MYO16: variants seen among roughly 807,000 people sequenced by gnomAD.
MYO16 encodes myosin XVI.
A neutral mutation model predicts 205.3 loss-of-function variants in MYO16; 94 were observed. That is an observed-to-expected ratio of 0.46 (90% CI 0.39 to 0.54). The LOEUF (loss-of-function observed/expected upper bound fraction) is 0.54, where lower values mean the gene tolerates loss of function less well. MYO16 is among the 20% of genes least tolerant of loss of function. MYO16 has a pLI of 0.00. For synonymous variants in MYO16, 988 were observed against 954.0 expected (o/e 1.04, Z -0.66); for missense variants, 2,315 against 2,387.5 (o/e 0.97, Z 0.63).
At chr13:108,732,281 C>A (rs914387896) in intron 4 of MYO16, among the ~76,000 whole-genome samples, 1 of 151,984 alleles carries the variant, frequency 6.6e-6, no homozygotes, top group Non-Finnish European at 1.5e-5. Flanking sequence ...GCAGTGAGCA[C>A]AAGCAGAAAA....
intron 20 of MYO16, among the ~76,000 whole-genome samples, chr13:108,976,587 A>G (rs1426854363): frequency 2.0e-5 from 3 of 152,204 alleles, no homozygotes; most frequent in African/African-American, 7.2e-5. Context: ...TTTATGAGTA[A>G]TTGAGTGTTG....
Position 108,756,365 on chromosome 13 carries a change from A to G in MYO16, c.507+28782A>G, listed in dbSNP as rs145968367. 5.8e-3 allele frequency among the ~76,000 whole-genome samples: 879 copies of G among 152,276 alleles called. 10 individuals are homozygous for G. The highest frequency in any genetic ancestry group is 0.02 in the African/African-American group (827 of 41,584). On this transcript the variant is annotated intron_variant, in intron 4 of 34. Coordinates refer to ENST00000457511, the MANE Select transcript of MYO16 (RefSeq NM_001198950.3). ...AGCATTTCATGGGCATCCAACACAA[A>G]TGTGGGCAAATGACATTTTTACCTG...
intron 23 of MYO16, among the ~76,000 whole-genome samples, chr13:109,022,810 AT>A (rs1329564280): frequency 7.4e-6 from 1 of 135,176 alleles, no homozygotes; most frequent in Non-Finnish European, 1.5e-5. Context: ...GTATATATTT[AT>A]ATATTATACT....
intron 34 of MYO16, among the ~76,000 whole-genome samples, chr13:109,181,625 C>T (rs1879454004): frequency 6.6e-6 from 1 of 151,866 alleles, no homozygotes; most frequent in African/African-American, 2.4e-5. Context: ...AATGTCTGGG[C>T]GTTATGGTAG....
At position 108,665,874 on chromosome 13, in the gene MYO16, C is replaced by A. The variant is rs145666826; in HGVS notation, c.29-12C>A. The A allele has an allele frequency of 4.3e-6, 7 of 1,610,950 alleles. No individual in the cohort carries two copies. Among genetic ancestry groups the A allele is most frequent in the Non-Finnish European group, 5.1e-6 (6 of 1,178,068 alleles). On this transcript the variant is annotated splice_polypyrimidine_tract_variant and intron_variant, in intron 1 of 34. Transcript: ENST00000457511. ...AATAGGTCTGGTGACGCTCCCCTTG[C>A]ATTTCTTCCAGGTTGCTTTCAGCTA...
At chr13:108,808,150 C>T (rs895439992) in intron 7 of MYO16, among the ~76,000 whole-genome samples, 3 of 151,904 alleles carry the variant, frequency 2.0e-5, no homozygotes, top group Non-Finnish European at 4.4e-5. Flanking sequence ...ATCCCTCAAG[C>T]CATCAGATGA....
At chr13:109,022,237 AT>A (rs1288438915) in intron 23 of MYO16, among the ~76,000 whole-genome samples, 1 of 131,166 alleles carries the variant, frequency 7.6e-6, no homozygotes, top group Non-Finnish European at 1.5e-5. Flanking sequence ...ATATATATGT[AT>A]ATATTTATAT....
upstream of MYO16, among the ~76,000 whole-genome samples, chr13:108,626,793 A>G (rs942831380): frequency 6.6e-6 from 1 of 151,534 alleles, no homozygotes; most frequent in African/African-American, 2.4e-5. Context: ...TGACAGAGAG[A>G]AACTCCATCT....
upstream of MYO16, among the ~76,000 whole-genome samples, chr13:108,626,605 A>G (rs2139344735): frequency 6.6e-6 from 1 of 152,110 alleles, no homozygotes; most frequent in East Asian, 1.9e-4. Context: ...GTCAAGCCTG[A>G]CCAGCCTGAC....
At chr13:108,996,489 T>G (rs1885007007) in intron 21 of MYO16, among the ~76,000 whole-genome samples, 1 of 152,108 alleles carries the variant, frequency 6.6e-6, no homozygotes, top group Non-Finnish European at 1.5e-5. Flanking sequence ...ATTTATTGGA[T>G]TATGTGTGAT....
Position 109,206,938 on chromosome 13 carries a change from C to T in MYO16, c.*102C>T, listed in dbSNP as rs1880623615. The T allele has an allele frequency of 1.0e-6, 1 of 983,188 alleles. No individual in the cohort carries two copies. Among genetic ancestry groups the T allele is most frequent in the African/African-American group, 1.6e-5 (1 of 61,164 alleles). The allele number at this position is 983,188 out of a possible 1,614,324, so 60.9% of individuals were successfully genotyped here. ...ACATGCGCTGGGGCTTCTCTCCACG[C>T]ATTTAGACAAAAAAAGCACAGGACA... On this transcript the variant is annotated 3_prime_UTR_variant, in exon 35 of 35. Coordinates refer to ENST00000457511, the MANE Select transcript of MYO16 (RefSeq NM_001198950.3).
intron 9 of MYO16, among the ~76,000 whole-genome samples, chr13:108,839,784 G>C (rs1448731434): frequency 6.6e-6 from 1 of 152,102 alleles, no homozygotes; most frequent in Non-Finnish European, 1.5e-5. Context: ...TAAACATAAA[G>C]CTCTGTGTCT....
intron 16 of MYO16, among the ~76,000 whole-genome samples, chr13:108,930,700 T>G (rs955147978): frequency 6.6e-6 from 1 of 152,126 alleles, no homozygotes; most frequent in Non-Finnish European, 1.5e-5. Context: ...GATCCTCAAG[T>G]TTTAATCAAC....
In MYO16 at chr13:108,804,353, T is replaced by C. The variant is rs189585501; in HGVS notation, c.742-2326T>C. ...TCACAGCAGAAATGATAACCACCTC[T>C]GTGTTTCTCACAGGGCCCTTAAAGT... is the stretch of plus-strand genomic sequence containing the variant. On this transcript the variant is annotated intron_variant, in intron 6 of 34. Transcript: ENST00000457511. Among the ~76,000 whole-genome samples the C allele has an allele frequency of 5.3e-5, 8 of 152,304 alleles. No homozygotes were observed. In the East Asian group the frequency reaches 1.5e-3, roughly 29 times the overall value.
intron 7 of MYO16, among the ~76,000 whole-genome samples, chr13:108,815,378 C>T (rs958438967): frequency 6.6e-6 from 1 of 152,076 alleles, no homozygotes; most frequent in Non-Finnish European, 1.5e-5. Flanking sequence ...CTAGATGGGC[C>T]CAGTGTAATC....
Position 109,125,183 on chromosome 13 carries a change from A to G in MYO16, c.3607A>G (p.Ile1203Val). 1 of 1,614,154 alleles carries G rather than the reference A, an allele frequency of 6.2e-7. No homozygotes were observed. The change falls in exon 30 of 35, where the codon ATC (isoleucine) becomes GTC (valine). Residue 1203 changes from isoleucine (I) to valine (V), a missense_variant. Around this residue, in one of 3 missense-constraint regions of MYO16, gnomAD observed 1,097 missense variants for 1,092.0 expected, o/e 1.00. Transcript: ENST00000457511. This position sits in a 1 kb window ranked among gnomAD's most constrained non-coding sequence, Gnocchi z 4.0. ...ISIRQQEVTS[I>V]NSFLQNTEDM... The stretch of plus-strand genomic sequence containing the variant: ...CATCAGACAACAAGAGGTGACTTCT[A>G]TCAATAGCTTTCTGCAGAACACAGA...
Position 108,957,730 on chromosome 13 carries a change from G to A in MYO16, c.1968G>A (p.Glu656=). The A allele has an allele frequency of 6.2e-7, 1 of 1,613,562 alleles. No individual in the cohort carries two copies. Among genetic ancestry groups the A allele is most frequent in the Non-Finnish European group, 8.5e-7 (1 of 1,179,522 alleles). ...QTIQDDASTG[E]RSLNREKLAV... ...TACAGGATGATGCATCCACAGGGGAGCGTTCTCTGAACAGGGAGAAATTGG... is the reference window on the plus strand; with the variant it reads ...TACAGGATGATGCATCCACAGGGGAACGTTCTCTGAACAGGGAGAAATTGG... Residue 656 remains glutamate (E), a synonymous_variant, in exon 17 of 35, where the codon GAG becomes GAA. Transcript: ENST00000457511.
At chr13:108,652,158 C>T (rs183884962) in intron 1 of MYO16, among the ~76,000 whole-genome samples, 5,328 of 151,032 alleles carry the variant, frequency 0.035, 138 homozygotes, top group South Asian at 0.13. Context: ...TGTGTGTGCG[C>T]GCGCGCGCAT....
chr13:109,197,245 C>A (rs1031560928), intron 34 of MYO16, among the ~76,000 whole-genome samples: 1 of 152,182 alleles, frequency 6.6e-6, no homozygotes, highest in African/African-American at 2.4e-5. Flanking sequence ...GTTCCCAGAG[C>A]TTTCTAGTGT....
Sources: gnomAD v4.1 joint callset for allele counts (sites outside exome capture counted in the v4.1 genomes callset) on GRCh38, gnomAD v4.1.1 for gene constraint, gnomAD v4.1.1 regional missense constraint, Gnocchi (gnomAD v3.1) non-coding constraint, MANE v1.5 for transcripts, NCBI Gene and HGNC (gene_info 2026-07-23, HGNC 2026-07-21) for gene names.